The following MOSMO variants were observed in gnomAD, a reference collection of about 807,000 sequenced individuals.
The protein encoded by MOSMO is modulator of smoothened, also known as modulator of smoothened protein.
MOSMO carries 5 observed loss-of-function variants against 18.4 expected under a neutral mutation model. The ratio of observed to expected loss-of-function variants is 0.27; its 90% CI spans 0.14 to 0.57. The LOEUF (loss-of-function observed/expected upper bound fraction) is 0.57, where lower values mean the gene tolerates loss of function less well. Ranked by LOEUF, MOSMO falls within the 20% of genes least tolerant of loss-of-function variation. The pLI is 0.92. For synonymous variants in MOSMO, 82 were observed against 82.3 expected (o/e 1.00, Z 0.02); for missense variants, 138 against 211.8 (o/e 0.65, Z 2.16).
intron 1 of MOSMO, among the ~76,000 whole-genome samples, chr16:22,051,364 C>T (rs1267163413): frequency 1.1e-4 from 17 of 150,822 alleles, no homozygotes; most frequent in African/African-American, 2.9e-4. Flanking sequence ...CCAGCCTGGG[C>T]GACAGAGCAA....
At chr16:22,027,865 G>T (rs1184389292) in intron 1 of MOSMO, among the ~76,000 whole-genome samples, 1 of 152,144 alleles carries the variant, frequency 6.6e-6, no homozygotes, top group Non-Finnish European at 1.5e-5. Flanking sequence ...GAAAGTATCT[G>T]TATTCCTTTG....
chr16:22,009,850 G>C (rs1899486644), intron 1 of MOSMO, among the ~76,000 whole-genome samples: 1 of 144,382 alleles, frequency 6.9e-6, no homozygotes, highest in Non-Finnish European at 1.5e-5. Flanking sequence ...GAATTAGCCG[G>C]GCATGGTGGC....
chr16:22,086,892 C>T (rs2141796405), downstream of MOSMO: 1 of 152,200 alleles, frequency 6.6e-6, no homozygotes, highest in South Asian at 2.1e-4. Flanking sequence ...ATTATGAAAC[C>T]ATATTTCCTG....
chr16:22,034,142 A>G (rs1900054512), intron 1 of MOSMO, among the ~76,000 whole-genome samples: 1 of 152,204 alleles, frequency 6.6e-6, no homozygotes, highest in Non-Finnish European at 1.5e-5. Flanking sequence ...GAATATTCCC[A>G]ATTCCTTTGT....
rs1306637705 is a variant in MOSMO at position 22,084,542 on chromosome 16, T to G, written c.*3662T>G. On this transcript the variant is annotated 3_prime_UTR_variant, in exon 3 of 3. Transcript: ENST00000542527. ...GGTTATAACATTTTTCAATTAATAG[T>G]TTCAAAACAAATTGTTAATACAACT... is the stretch of plus-strand genomic sequence containing the variant. The G allele has an allele frequency of 6.6e-6, 1 of 152,196 alleles. No homozygotes were observed. The highest frequency in any genetic ancestry group is 1.5e-5 in the Non-Finnish European group (1 of 68,042). 9.4% of individuals were successfully genotyped at this position (152,196 alleles called of 1,614,324 possible).
At chr16:22,047,021 A>AC (rs1250635325) in intron 1 of MOSMO, among the ~76,000 whole-genome samples, 1 of 151,596 alleles carries the variant, frequency 6.6e-6, no homozygotes, top group Admixed American at 6.6e-5. Context: ...TACCTTTTTC[A>AC]CCCCCTCCTG....
chr16:22,069,848 G>A lies in MOSMO; in HGVS notation c.107-5639G>A, dbSNP rs78883701. Among the ~76,000 whole-genome samples the A allele has an allele frequency of 3.7e-3, 567 of 152,270 alleles. 7 individuals carry two copies. The highest frequency in any genetic ancestry group is 0.013 in the African/African-American group (537 of 41,548). Reference sequence around the variant, plus strand: ...AGAAAGCATGATGCCCCTGGAGGACGTGTTGGCATATGGGATAGTTTTGTT... The same window carrying A: ...AGAAAGCATGATGCCCCTGGAGGACATGTTGGCATATGGGATAGTTTTGTT... On this transcript the variant is annotated intron_variant, in intron 1 of 2. Transcript: ENST00000542527.
At chr16:22,063,815 T>C (rs867246089) in intron 1 of MOSMO, among the ~76,000 whole-genome samples, 3 of 152,340 alleles carry the variant, frequency 2.0e-5, no homozygotes, top group Middle Eastern at 3.4e-3. Context: ...ACTATCACTG[T>C]GCTTACAAAA....
At chr16:22,030,354 CAAGTT>C (rs1899968406) in intron 1 of MOSMO, among the ~76,000 whole-genome samples, 1 of 152,282 alleles carries the variant, frequency 6.6e-6, no homozygotes, top group East Asian at 1.9e-4. Flanking sequence ...TCCAAACAGT[CAAGTT>C]AAAAGTGTAT....
chr16:22,084,675 AAG>A (rs1336960062), downstream of MOSMO: 3 of 152,224 alleles, frequency 2.0e-5, no homozygotes, highest in African/African-American at 7.2e-5. Flanking sequence ...ACTTTGAAAT[AAG>A]CTTCATTTAA....
chr16:22,020,291 AT>A (rs1204620607), intron 1 of MOSMO, among the ~76,000 whole-genome samples: 3,323 of 122,498 alleles, frequency 0.027, 28 homozygotes, highest in Non-Finnish European at 0.042. Context: ...CCTGACTTTA[AT>A]TTTTTTTTTT....
At chr16:22,056,680 G>A (rs990315591) in intron 1 of MOSMO, among the ~76,000 whole-genome samples, 7 of 151,668 alleles carry the variant, frequency 4.6e-5, no homozygotes, top group Admixed American at 2.0e-4. Context: ...CACTGTGCCC[G>A]GCCTTCTCCC....
chr16:22,027,990 T>G (rs1049337876), intron 1 of MOSMO, among the ~76,000 whole-genome samples: 6 of 152,258 alleles, frequency 3.9e-5, no homozygotes, highest in Admixed American at 2.6e-4. Context: ...AAATGTATCG[T>G]TTTTTAGGTC....
chr16:22,038,979 T>TA (rs1235876425), intron 1 of MOSMO, among the ~76,000 whole-genome samples: 2 of 152,226 alleles, frequency 1.3e-5, no homozygotes, highest in Non-Finnish European at 2.9e-5. Context: ...GTCTCAGGTC[T>TA]AATCTTGACT....
intron 1 of MOSMO, among the ~76,000 whole-genome samples, chr16:22,071,570 C>T (rs1465301731): frequency 2.0e-5 from 3 of 152,138 alleles, no homozygotes; most frequent in Admixed American, 2.0e-4. Flanking sequence ...AGATGATGAG[C>T]GTCGAAGCTT....
At chr16:22,086,324 G>T (rs541039219), downstream of MOSMO, 1 of 152,058 alleles carries the variant, frequency 6.6e-6, no homozygotes, top group East Asian at 1.9e-4. Flanking sequence ...CAAGCTCTCT[G>T]TTCAGTCATT....
intron 1 of MOSMO, among the ~76,000 whole-genome samples, chr16:22,062,160 G>T (rs1900656782): frequency 6.6e-6 from 1 of 151,772 alleles, no homozygotes; most frequent in Non-Finnish European, 1.5e-5. Flanking sequence ...TACATAAATT[G>T]GACATGAATT....
chr16:22,011,154 G>A (rs1363320303), intron 1 of MOSMO, among the ~76,000 whole-genome samples: 8 of 152,154 alleles, frequency 5.3e-5, no homozygotes, highest in South Asian at 4.1e-4. Flanking sequence ...CTGATGCGTC[G>A]TGGAAGTTGA....
At chr16:22,045,842 T>C (rs1417134973) in intron 1 of MOSMO, among the ~76,000 whole-genome samples, 1 of 152,136 alleles carries the variant, frequency 6.6e-6, no homozygotes, top group Non-Finnish European at 1.5e-5. Context: ...AAAATTTGAG[T>C]TAAGAGATAT....
Sources: allele counts gnomAD v4.1 joint callset (sites outside exome capture counted in the v4.1 genomes callset), GRCh38; gene constraint gnomAD v4.1.1; transcripts MANE v1.5; gene names NCBI Gene and HGNC (gene_info 2026-07-23, HGNC 2026-07-21).